GHITM: variants seen among roughly 807,000 people sequenced by gnomAD.
GHITM encodes growth hormone-inducible transmembrane protein.
A neutral mutation model predicts 38.7 loss-of-function variants in GHITM; 24 were observed. The observed-to-expected ratio is 0.62, with a 90% CI of 0.45 to 0.87. The LOEUF is 0.87. GHITM is among the 40% of genes least tolerant of loss of function. The pLI is 0.00. For missense variants in GHITM, 420 were observed against 429.8 expected, an observed-to-expected ratio of 0.98 and a Z score of 0.20; for synonymous variants, 154 against 147.8, an observed-to-expected ratio of 1.04 and a Z score of -0.30.
At position 84,150,169 on chromosome 10, in the gene GHITM, C is replaced by T. The variant is rs1216928773; in HGVS notation, c.707C>T (p.Ala236Val). 6.2e-7 allele frequency: 1 copy of T among 1,613,748 alleles called. No individual in the cohort carries two copies. The part of the protein sequence containing the change: ...VGGLSTVAMC[A>V]PSEKFLNMGA... ...GGCCTCTCCACTGTGGCCATGTGTG[C>T]GCCCAGTGAAAAGTTTCTGAACATG... Residue 236 changes from alanine to valine, a missense_variant, in exon 7 of 9, where the codon GCG (alanine) becomes GTG (valine). Transcript: ENST00000372134.
intron 3 of GHITM, 48 bp from the exon 4 acceptor site, chr10:84,143,947 T>C: frequency 8.7e-7 from 1 of 1,151,906 alleles, no homozygotes. Context: ...TTAAAGGCTT[T>C]GTCCAGATGT....
rs1841582501 is a variant in GHITM at position 84,148,801 on chromosome 10, C to T, written c.555C>T (p.Ser185=). ...MLVRSIPYDQ[S]PGPKHLAWLL... ...TACGATCAATACCATATGACCAGAG[C>T]CCAGGCCCAAAGCATCTTGCTTGGT... The change falls in exon 6 of 9, where the codon AGC becomes AGT. Residue 185 remains serine (S), a synonymous_variant. Coordinates refer to ENST00000372134, the MANE Select transcript of GHITM (RefSeq NM_014394.3). 1.2e-6 allele frequency: 2 copies of T among 1,612,114 alleles called. No individual in the cohort carries two copies. Among genetic ancestry groups the T allele is most frequent in the Non-Finnish European group, 1.7e-6 (2 of 1,178,190 alleles).
At chr10:84,149,621 C>T (rs969222665) in intron 6 of GHITM, among the ~76,000 whole-genome samples, 1 of 152,130 alleles carries the variant, frequency 6.6e-6, no homozygotes, top group Admixed American at 6.5e-5. Flanking sequence ...CATAAAGAAA[C>T]AGCAGTGTCT....
At chr10:84,150,645 T>A in intron 7 of GHITM, 64 bp from the exon 8 acceptor site, 1 of 1,305,324 alleles carries the variant, frequency 7.7e-7, no homozygotes, top group African/African-American at 1.5e-5. Flanking sequence ...GTAATATAAA[T>A]CATAAACTCA....
In GHITM at chr10:84,142,744, A is replaced by C; in HGVS notation, c.219A>C (p.Lys73Asn). 1 of 1,585,628 alleles carries C rather than the reference A, an allele frequency of 6.3e-7. No homozygotes were observed. The highest frequency in any genetic ancestry group is 8.7e-7 in the Non-Finnish European group (1 of 1,155,132). Residue 73 changes from lysine (K) to asparagine (N), a missense_variant, in exon 3 of 9, where the codon AAA becomes AAC. Physicochemically the swap from Lys to Asn is moderately conservative, Grantham distance 94 (BLOSUM62 0). Coordinates refer to ENST00000372134, the MANE Select transcript of GHITM (RefSeq NM_014394.3). ...KEAALEPSMEKIFKIDQMGRW... is the reference protein window; with the variant it reads ...KEAALEPSMENIFKIDQMGRW... ...CAGCATTGGAACCATCGATGGAAAAAATATTTAAAAGTAGGTGGCTATCTT... is the reference window on the plus strand; with the variant it reads ...CAGCATTGGAACCATCGATGGAAAACATATTTAAAAGTAGGTGGCTATCTT...
chr10:84,142,127 G>A (rs1841512792), intron 2 of GHITM, among the ~76,000 whole-genome samples: 1 of 152,158 alleles, frequency 6.6e-6, no homozygotes, highest in Non-Finnish European at 1.5e-5. Context: ...ACAATATAAA[G>A]AAGCTAGGAG....
At position 84,150,828 on chromosome 10, in the gene GHITM, C is replaced by T. The variant is rs759314499; in HGVS notation, c.901C>T (p.Arg301Cys). 13 of 1,611,110 alleles carry T rather than the reference C, an allele frequency of 8.1e-6. No homozygotes were observed. The highest frequency in any genetic ancestry group is 4.5e-5 in the East Asian group (2 of 44,880). Reference protein sequence around the residue: ...LLYDTQKVIKRAEVSPMYGVQ... With the variant: ...LLYDTQKVIKCAEVSPMYGVQ... ...GTATGATACCCAGAAAGTAATCAAG[C>T]GTGCAGAAGTATCACCAATGTATGG... The change falls in exon 8 of 9, where the codon CGT becomes TGT. Residue 301 changes from arginine to cysteine, a missense_variant. Physicochemically the swap from Arg to Cys is radical, Grantham distance 180. Coordinates refer to ENST00000372134, the MANE Select transcript of GHITM (RefSeq NM_014394.3).
chr10:84,148,378 C>T (rs1841578258), intron 5 of GHITM, among the ~76,000 whole-genome samples: 1 of 152,140 alleles, frequency 6.6e-6, no homozygotes, highest in Non-Finnish European at 1.5e-5. Context: ...TTGCAACCTC[C>T]ACCTCCCGGG....
intron 2 of GHITM, among the ~76,000 whole-genome samples, chr10:84,141,975 A>G (rs1016163300): frequency 2.6e-5 from 4 of 152,228 alleles, no homozygotes; most frequent in Non-Finnish European, 5.9e-5. Context: ...CAGTTGGCCA[A>G]TAGCTTATTA....
At chr10:84,151,082 G>C (rs573901900) in intron 8 of GHITM, among the ~76,000 whole-genome samples, 49 of 152,194 alleles carry the variant, frequency 3.2e-4, no homozygotes, top group Non-Finnish European at 6.8e-4. Flanking sequence ...TAGCAGAGTT[G>C]TACTTCTGAG....
intron 1 of GHITM, chr10:84,139,850 T>G (rs1841487894): frequency 6.6e-6 from 1 of 152,522 alleles, no homozygotes; most frequent in Non-Finnish European, 1.5e-5. Flanking sequence ...GAGTCATCCT[T>G]GCGGCGAGGC....
chr10:84,143,534 C>T (rs11200883), intron 3 of GHITM, among the ~76,000 whole-genome samples: 14,908 of 152,220 alleles, frequency 0.098, 1,205 homozygotes, highest in East Asian at 0.35. Flanking sequence ...CTTGATTCTG[C>T]TGCATAAACA....
chr10:84,144,345 T>TTTTG (rs148723613), intron 4 of GHITM, among the ~76,000 whole-genome samples: 13 of 117,576 alleles, frequency 1.1e-4, no homozygotes, highest in African/African-American at 2.1e-4. Flanking sequence ...GAAATATGTT[T>TTTTG]TTTGTTTGTT....
intron 5 of GHITM, among the ~76,000 whole-genome samples, chr10:84,145,311 C>T (rs1007626820): frequency 5.3e-5 from 8 of 152,206 alleles, no homozygotes; most frequent in African/African-American, 1.7e-4. Flanking sequence ...ATAAATAGTC[C>T]GAAATCTGAA....
At chr10:84,140,846 C>T (rs1160060063) in intron 1 of GHITM, among the ~76,000 whole-genome samples, 1 of 152,122 alleles carries the variant, frequency 6.6e-6, no homozygotes, top group Admixed American at 6.6e-5. Flanking sequence ...CTTTGAAAGA[C>T]TAAATGTCCT....
At position 84,150,154 on chromosome 10, in the gene GHITM, C is replaced by G; in HGVS notation, c.692C>G (p.Thr231Ser). ...GCTGGCATTGTGGGAGGCCTCTCCA[C>G]TGTGGCCATGTGTGCGCCCAGTGAA... ...YTAGIVGGLS[T>S]VAMCAPSEKF... Residue 231 changes from threonine to serine, a missense_variant, in exon 7 of 9, where the codon ACT becomes AGT. Thr to Ser is a moderately conservative substitution (Grantham distance 58, BLOSUM62 1). Transcript: ENST00000372134. 1.2e-6 allele frequency: 2 copies of G among 1,614,026 alleles called. No homozygotes were observed. Among genetic ancestry groups the G allele is most frequent in the Non-Finnish European group, 8.5e-7 (1 of 1,179,928 alleles).
At chr10:84,151,899 TTTATA>T (rs1433476197) in intron 8 of GHITM, among the ~76,000 whole-genome samples, 20 of 152,194 alleles carry the variant, frequency 1.3e-4, no homozygotes, top group African/African-American at 4.8e-4. Context: ...AAGTGGGTCT[TTTATA>T]TTAAAAAATG....
intron 8 of GHITM, 27 bp from the exon 9 acceptor site, chr10:84,152,237 T>C (rs1841619640): frequency 2.9e-6 from 3 of 1,043,288 alleles, no homozygotes; most frequent in Admixed American, 1.8e-5. Flanking sequence ...TTGCATCATA[T>C]ATAATGGGCA....
chr10:84,142,962 T>C (rs1212034228), intron 3 of GHITM, among the ~76,000 whole-genome samples: 1 of 152,210 alleles, frequency 6.6e-6, no homozygotes, highest in Non-Finnish European at 1.5e-5. Flanking sequence ...AATTTTACTT[T>C]CCTTTTTTTT....
Sources: gnomAD v4.1 joint callset for allele counts (sites outside exome capture counted in the v4.1 genomes callset) on GRCh38, gnomAD v4.1.1 for gene constraint, MANE v1.5 for transcripts, NCBI Gene and HGNC (gene_info 2026-07-23, HGNC 2026-07-21) for gene names.